SCTR: variants seen among roughly 807,000 people sequenced by gnomAD.
The protein encoded by SCTR is pancreatic secretin receptor.
In SCTR, 56 loss-of-function variants were observed where a neutral mutation model predicts 60.8. The observed-to-expected ratio is 0.92, with a 90% CI of 0.74 to 1.15. The LOEUF (loss-of-function observed/expected upper bound fraction) is 1.15. SCTR is among the 50% of genes most tolerant of loss of function. The pLI, the probability that SCTR is intolerant of heterozygous loss-of-function variation, is 0.00. For synonymous variants in SCTR, 202 were observed against 217.0 expected (o/e 0.93, Z 0.61); for missense variants, 562 against 550.4 (o/e 1.02, Z -0.21).
intron 1 of SCTR, among the ~76,000 whole-genome samples, chr2:119,497,732 G>A (rs1678404163): frequency 1.3e-5 from 2 of 152,206 alleles, no homozygotes; most frequent in Non-Finnish European, 2.9e-5. Flanking sequence ...CTCCGTGGAT[G>A]GGCTCAAAAG....
intron 1 of SCTR, among the ~76,000 whole-genome samples, chr2:119,498,080 C>T (rs934296307): frequency 6.6e-6 from 1 of 152,124 alleles, no homozygotes; most frequent in Non-Finnish European, 1.5e-5. Flanking sequence ...CACACCAAGG[C>T]ACATTATTTT....
At chr2:119,495,814 A>G (rs1558873358) in intron 1 of SCTR, among the ~76,000 whole-genome samples, 1 of 152,212 alleles carries the variant, frequency 6.6e-6, no homozygotes, top group Non-Finnish European at 1.5e-5. Flanking sequence ...CCCCTGGCCC[A>G]GAGCTTGTGA....
chr2:119,461,004 G>T (rs1206142407), intron 7 of SCTR, among the ~76,000 whole-genome samples: 1 of 152,166 alleles, frequency 6.6e-6, no homozygotes, highest in East Asian at 1.9e-4. Context: ...GAAGTCTCTA[G>T]CCCAGAAGCT....
At chr2:119,453,162 A>G in intron 8 of SCTR, 125 bp downstream of exon 8, 1 of 726,624 alleles carries the variant, frequency 1.4e-6, no homozygotes, top group Admixed American at 2.1e-5. Context: ...AGTCCAGGGA[A>G]CTCATCTGTG....
intron 3 of SCTR, among the ~76,000 whole-genome samples, chr2:119,474,808 G>C (rs1452902273): frequency 6.6e-6 from 1 of 152,210 alleles, no homozygotes; most frequent in Non-Finnish European, 1.5e-5. Flanking sequence ...CACCCACCGG[G>C]CCCTCTTCCT....
intron 6 of SCTR, among the ~76,000 whole-genome samples, chr2:119,463,243 T>C (rs985175809): frequency 6.6e-6 from 1 of 152,180 alleles, no homozygotes; most frequent in African/African-American, 2.4e-5. Flanking sequence ...CGATTAAGTG[T>C]GGTTACATGA....
chr2:119,477,663 C>A (rs1021879295), intron 3 of SCTR, among the ~76,000 whole-genome samples: 7 of 152,124 alleles, frequency 4.6e-5, no homozygotes, highest in African/African-American at 1.7e-4. Context: ...GTTGGCCAGG[C>A]TGGTCTCGAA....
intron 2 of SCTR, among the ~76,000 whole-genome samples, chr2:119,485,485 G>A (rs896676692): frequency 6.6e-6 from 1 of 152,230 alleles, no homozygotes; most frequent in South Asian, 2.1e-4. Flanking sequence ...ACCTGGCATG[G>A]AGCCTCTATC....
intron 1 of SCTR, among the ~76,000 whole-genome samples, chr2:119,499,147 A>T (rs560697832): frequency 2.0e-5 from 3 of 151,476 alleles, no homozygotes; most frequent in East Asian, 3.9e-4. Context: ...ACATAATGAT[A>T]AAAAAAGGCA....
intron 3 of SCTR, among the ~76,000 whole-genome samples, chr2:119,474,114 C>G (rs1273340441): frequency 6.6e-6 from 1 of 152,200 alleles, no homozygotes; most frequent in Non-Finnish European, 1.5e-5. Context: ...CATAATAGAT[C>G]GTGAGACCAC....
intron 7 of SCTR, among the ~76,000 whole-genome samples, chr2:119,457,203 G>A (rs1036139225): frequency 1.3e-5 from 2 of 152,022 alleles, no homozygotes; most frequent in Non-Finnish European, 2.9e-5. Context: ...AAGAATTTGA[G>A]AGAATTGATG....
intron 1 of SCTR, among the ~76,000 whole-genome samples, chr2:119,517,694 C>T (rs1244617651): frequency 3.3e-5 from 5 of 152,142 alleles, no homozygotes; most frequent in Admixed American, 3.3e-4. Context: ...GGAAGTTAAC[C>T]AGCTGATGAG....
chr2:119,456,508 G>A (rs11123527), intron 7 of SCTR, among the ~76,000 whole-genome samples: 24,806 of 152,060 alleles, frequency 0.16, 2,169 homozygotes, highest in East Asian at 0.3. Context: ...ACTAGAGAGT[G>A]AACCAAAGAC....
intron 2 of SCTR, among the ~76,000 whole-genome samples, chr2:119,492,715 T>C (rs1319469662): frequency 6.6e-6 from 1 of 152,170 alleles, no homozygotes; most frequent in Non-Finnish European, 1.5e-5. Flanking sequence ...TCACTTCCCA[T>C]TGTTCCTTCC....
rs185121646 is a variant in SCTR at position 119,466,087 on chromosome 2, A to G, written c.406-201T>C. 4.6e-4 allele frequency among the ~76,000 whole-genome samples: 70 copies of G among 152,182 alleles called. No homozygotes were observed. The East Asian group carries it at 5.6e-3, about 12-fold the overall frequency. The stretch of plus-strand genomic sequence containing the variant: ...CTTAGGGATCATCTGATGATCCCTA[A>G]GGATCATCCCTAAGTTTGAATTGAT... On this transcript the variant is annotated intron_variant, in intron 4 of 12. Coordinates refer to ENST00000019103, the MANE Select transcript of SCTR (RefSeq NM_002980.3).
At chr2:119,504,390 C>T (rs968219468) in intron 1 of SCTR, among the ~76,000 whole-genome samples, 87 of 151,980 alleles carry the variant, frequency 5.7e-4, no homozygotes, top group African/African-American at 1.8e-3. Context: ...ATCGGGAGTT[C>T]GAGATCAGCC....
chr2:119,448,906 A>C (rs2104765322), intron 9 of SCTR, 126 bp from the exon 10 acceptor site: 1 of 628,860 alleles, frequency 1.6e-6, no homozygotes, highest in East Asian at 2.7e-5. Context: ...ATGGCCCACC[A>C]GTGCTGCCGC....
At chr2:119,461,778 C>A (rs1558845951) in intron 7 of SCTR, 69 bp downstream of exon 7, 1 of 1,319,466 alleles carries the variant, frequency 7.6e-7, no homozygotes, top group South Asian at 1.6e-5. Flanking sequence ...AAAAGCCGAA[C>A]CCTCCGACTC....
At chr2:119,503,762 T>C (rs965747253) in intron 1 of SCTR, among the ~76,000 whole-genome samples, 6 of 152,166 alleles carry the variant, frequency 3.9e-5, no homozygotes, top group African/African-American at 1.4e-4. Context: ...CCATAGAATA[T>C]ACAACACAAA....
Sources: allele counts gnomAD v4.1 joint callset (sites outside exome capture counted in the v4.1 genomes callset), GRCh38; gene constraint gnomAD v4.1.1; transcripts MANE v1.5; gene names NCBI Gene and HGNC (gene_info 2026-07-23, HGNC 2026-07-21).